Variants in NXPH1 observed in about 807,000 individuals in gnomAD.
NXPH1 encodes the protein neurexophilin-1.
Under a neutral mutation model 23.7 loss-of-function variants are expected in NXPH1, and 5 were observed. The ratio of observed to expected loss-of-function variants is 0.21; its 90% CI spans 0.11 to 0.44. NXPH1 has a LOEUF of 0.44. Ranked by LOEUF, NXPH1 falls within the 20% of genes least tolerant of loss-of-function variation. The pLI is 0.99. For synonymous variants in NXPH1, 144 were observed against 122.2 expected (o/e 1.18, Z -1.18); for missense variants, 324 against 321.6 (o/e 1.01, Z -0.06).
chr7:8,737,380 T>C (rs764385001), intron 2 of NXPH1, among the ~76,000 whole-genome samples: 3 of 152,222 alleles, frequency 2.0e-5, no homozygotes, highest in Non-Finnish European at 4.4e-5. Flanking sequence ...TTATTTCTTC[T>C]TCACTTATGA....
intron 2 of NXPH1, among the ~76,000 whole-genome samples, chr7:8,546,034 T>C (rs1415190503): frequency 6.6e-6 from 1 of 151,572 alleles, no homozygotes; most frequent in African/African-American, 2.4e-5. Context: ...AGAACTCTTT[T>C]GATGCCAGCT....
At chr7:8,732,362 C>G (rs1299634100) in intron 2 of NXPH1, among the ~76,000 whole-genome samples, 5 of 152,224 alleles carry the variant, frequency 3.3e-5, no homozygotes, top group African/African-American at 1.2e-4. Context: ...ATCTTGGCTC[C>G]TTCGCCTTCG....
intron 2 of NXPH1, among the ~76,000 whole-genome samples, chr7:8,596,259 T>C (rs999044166): frequency 6.6e-6 from 1 of 151,998 alleles, no homozygotes; most frequent in East Asian, 1.9e-4. Flanking sequence ...CCTGGGAAAA[T>C]TCTGTTCAGG....
At chr7:8,533,565 T>C (rs1817984356) in intron 2 of NXPH1, among the ~76,000 whole-genome samples, 1 of 152,118 alleles carries the variant, frequency 6.6e-6, no homozygotes, top group South Asian at 2.1e-4. Flanking sequence ...AAATTTAGTA[T>C]TGTTTATGGT....
intron 2 of NXPH1, among the ~76,000 whole-genome samples, chr7:8,733,064 T>A (rs935456358): frequency 2.0e-5 from 3 of 151,780 alleles, no homozygotes; most frequent in Non-Finnish European, 4.4e-5. Context: ...GTGTGTAATG[T>A]TTCCCTCCCT....
At chr7:8,483,381 A>C (rs1346565004) in intron 2 of NXPH1, among the ~76,000 whole-genome samples, 1 of 151,896 alleles carries the variant, frequency 6.6e-6, no homozygotes, top group Admixed American at 6.6e-5. Context: ...CTCCGGCTGG[A>C]GTAGAGTGGT....
At chr7:8,509,620 A>G (rs1220864987) in intron 2 of NXPH1, among the ~76,000 whole-genome samples, 1 of 151,976 alleles carries the variant, frequency 6.6e-6, no homozygotes, top group African/African-American at 2.4e-5. Context: ...GCTTGCAAGG[A>G]TCTACAGTGG....
At chr7:8,635,656 G>T (rs1583208318) in intron 2 of NXPH1, among the ~76,000 whole-genome samples, 1 of 152,172 alleles carries the variant, frequency 6.6e-6, no homozygotes, top group South Asian at 2.1e-4. Flanking sequence ...GGGTCTAAAA[G>T]CATTTGAAAT....
chr7:8,588,808 T>G (rs1819032535), intron 2 of NXPH1, among the ~76,000 whole-genome samples: 1 of 152,102 alleles, frequency 6.6e-6, no homozygotes, highest in South Asian at 2.1e-4. Context: ...ACACTTGGGT[T>G]GACATGGACA....
At chr7:8,466,830 A>G (rs569352177) in intron 2 of NXPH1, among the ~76,000 whole-genome samples, 20 of 150,100 alleles carry the variant, frequency 1.3e-4, no homozygotes, top group African/African-American at 4.9e-4. Flanking sequence ...GCCCAGCTCC[A>G]TTTTGTGGTT....
At chr7:8,698,070 A>G (rs920010287) in intron 2 of NXPH1, among the ~76,000 whole-genome samples, 1 of 152,156 alleles carries the variant, frequency 6.6e-6, no homozygotes, top group Non-Finnish European at 1.5e-5. Context: ...CCAACGGGGA[A>G]AGGACAGTGC....
intron 2 of NXPH1, among the ~76,000 whole-genome samples, chr7:8,580,245 T>C (rs1485151733): frequency 6.6e-6 from 1 of 152,170 alleles, no homozygotes; most frequent in African/African-American, 2.4e-5. Flanking sequence ...CAAAGGATAA[T>C]GCTGATTGAA....
intron 2 of NXPH1, among the ~76,000 whole-genome samples, chr7:8,690,956 T>G (rs1172203493): frequency 6.6e-6 from 1 of 152,154 alleles, no homozygotes; most frequent in Non-Finnish European, 1.5e-5. Flanking sequence ...GAATGAAGTC[T>G]CCTCAAGGAG....
chr7:8,674,777 A>T (rs955574692), intron 2 of NXPH1, among the ~76,000 whole-genome samples: 6 of 152,140 alleles, frequency 3.9e-5, no homozygotes, highest in African/African-American at 1.4e-4. Flanking sequence ...TGCACCAAAG[A>T]GTAAATCATG....
intron 2 of NXPH1, among the ~76,000 whole-genome samples, chr7:8,545,250 G>A (rs1818181798): frequency 6.6e-6 from 1 of 151,506 alleles, no homozygotes; most frequent in South Asian, 2.1e-4. Context: ...TTTGTCACTA[G>A]GACAATTTCT....
At chr7:8,526,832 T>C (rs1817868926) in intron 2 of NXPH1, among the ~76,000 whole-genome samples, 1 of 152,230 alleles carries the variant, frequency 6.6e-6, no homozygotes, top group Non-Finnish European at 1.5e-5. Flanking sequence ...TCTTGGCTAT[T>C]TCTTTATCAG....
At chr7:8,532,162 A>T (rs1817957854) in intron 2 of NXPH1, among the ~76,000 whole-genome samples, 1 of 152,170 alleles carries the variant, frequency 6.6e-6, no homozygotes, top group Non-Finnish European at 1.5e-5. Flanking sequence ...AATATGTAAA[A>T]AATACCAACC....
rs71017603 is a variant in NXPH1, at chr7:8,655,451, TACAC to T, written c.55-95529_55-95526del. Among the ~76,000 whole-genome samples the T allele has an allele frequency of 1.1e-3, 160 of 139,158 alleles. 1 individual carries two copies. Among genetic ancestry groups the T allele is most frequent in the African/African-American group, 1.6e-3 (58 of 36,320 alleles). The allele number at this position is 139,158 out of a possible 152,430, so 91.3% of individuals were successfully genotyped here. On this transcript the variant is annotated intron_variant, in intron 2 of 2. Coordinates refer to ENST00000405863, the MANE Select transcript of NXPH1 (RefSeq NM_152745.3). ...CTCTCTCTCTCTCTCTCTCTCTCTA[TACAC>T]ACACACACACACACACACACACACA...
intron 2 of NXPH1, among the ~76,000 whole-genome samples, chr7:8,501,539 A>G (rs1433830176): frequency 6.6e-6 from 1 of 152,092 alleles, no homozygotes; most frequent in East Asian, 1.9e-4. Context: ...CAAATGACAC[A>G]TTAAAATAAT....
Sources: allele counts gnomAD v4.1 joint callset (sites outside exome capture counted in the v4.1 genomes callset), GRCh38; gene constraint gnomAD v4.1.1; transcripts MANE v1.5; gene names NCBI Gene and HGNC (gene_info 2026-07-23, HGNC 2026-07-21).